Variants in CFDP1 observed in about 807,000 individuals in gnomAD.
CFDP1 encodes the protein chromatin remodeling protein CFDP1, also known as heterochromatin-stabilizing protein CFDP1.
A neutral mutation model predicts 40.1 loss-of-function variants in CFDP1; 31 were observed. The observed-to-expected ratio is 0.77, with a 90% CI of 0.58 to 1.04. The LOEUF is 1.04. CFDP1 is among the 50% of genes least tolerant of loss of function. CFDP1 has a pLI of 0.00. For synonymous variants in CFDP1, 167 were observed against 120.0 expected, an observed-to-expected ratio of 1.39 and a Z score of -2.56; for missense variants, 423 against 343.4, an observed-to-expected ratio of 1.23 and a Z score of -1.83.
chr16:75,375,416 G>T (rs1256115327), intron 5 of CFDP1, among the ~76,000 whole-genome samples: 4 of 152,148 alleles, frequency 2.6e-5, no homozygotes, highest in African/African-American at 9.7e-5. Context: ...CTTTACACAT[G>T]AAAAGATGTC....
intron 4 of CFDP1, among the ~76,000 whole-genome samples, chr16:75,409,822 T>A (rs1042057103): frequency 6.6e-6 from 1 of 152,188 alleles, no homozygotes; most frequent in Non-Finnish European, 1.5e-5. Flanking sequence ...TGTAGGTGTT[T>A]GTTGTAATAC....
At chr16:75,349,203 G>T (rs1395359531) in intron 5 of CFDP1, among the ~76,000 whole-genome samples, 1 of 151,986 alleles carries the variant, frequency 6.6e-6, no homozygotes, top group Non-Finnish European at 1.5e-5. Flanking sequence ...ATGGTTCACT[G>T]CTAGTTTATA....
intron 5 of CFDP1, among the ~76,000 whole-genome samples, chr16:75,338,986 A>G (rs772591289): frequency 2.6e-5 from 4 of 152,174 alleles, no homozygotes; most frequent in African/African-American, 4.8e-5. Context: ...TCTTAAACTC[A>G]TAACTTCACA....
intron 5 of CFDP1, among the ~76,000 whole-genome samples, chr16:75,356,658 A>C (rs904175029): frequency 5.3e-5 from 8 of 152,186 alleles, no homozygotes; most frequent in Non-Finnish European, 1.0e-4. Context: ...TTTGAAGCCA[A>C]GCATTGACTT....
At chr16:75,432,522 G>A (rs1162100785) in intron 1 of CFDP1, among the ~76,000 whole-genome samples, 1 of 151,990 alleles carries the variant, frequency 6.6e-6, no homozygotes, top group Non-Finnish European at 1.5e-5. Context: ...CTGCACTCCA[G>A]CCTAGACAAC....
chr16:75,362,622 C>T (rs997995156), intron 5 of CFDP1, among the ~76,000 whole-genome samples: 1 of 152,078 alleles, frequency 6.6e-6, no homozygotes, highest in Non-Finnish European at 1.5e-5. Flanking sequence ...AGTTAAGGTA[C>T]CCTCGAGAAC....
At chr16:75,413,795 T>C (rs1464094846) in intron 2 of CFDP1, among the ~76,000 whole-genome samples, 1 of 152,178 alleles carries the variant, frequency 6.6e-6, no homozygotes, top group Non-Finnish European at 1.5e-5. Context: ...CCTGTCAGAA[T>C]TTTCATAATT....
chr16:75,315,276 G>A (rs928748934), intron 5 of CFDP1, among the ~76,000 whole-genome samples: 62 of 135,086 alleles, frequency 4.6e-4, no homozygotes, highest in South Asian at 1.7e-3. Context: ...AGGTTGCCGT[G>A]AGCAGAGATC....
At chr16:75,413,552 CAAAAA>C (rs9331624) in intron 2 of CFDP1, among the ~76,000 whole-genome samples, 5 of 90,476 alleles carry the variant, frequency 5.5e-5, no homozygotes, top group Admixed American at 1.2e-4. Flanking sequence ...GACTCTGTCT[CAAAAA>C]AAAAAAAAAA....
intron 1 of CFDP1, among the ~76,000 whole-genome samples, chr16:75,415,826 C>G (rs767351309): frequency 6.6e-6 from 1 of 152,182 alleles, no homozygotes; most frequent in East Asian, 1.9e-4. Context: ...ACAAACAGTA[C>G]TGTTGTGATA....
chr16:75,373,790 T>G (rs1018087245), intron 5 of CFDP1, among the ~76,000 whole-genome samples: 1 of 152,204 alleles, frequency 6.6e-6, no homozygotes, highest in African/African-American at 2.4e-5. Flanking sequence ...CTTGACTTCC[T>G]CTACACAATT....
At chr16:75,322,054 G>A (rs2078367736) in intron 5 of CFDP1, 1 of 152,292 alleles carries the variant, frequency 6.6e-6, no homozygotes, top group South Asian at 2.1e-4. Context: ...TCGATCTCCT[G>A]ACCTTGTGAT....
intron 4 of CFDP1, among the ~76,000 whole-genome samples, chr16:75,404,285 G>C (rs1162011663): frequency 9.4e-5 from 14 of 149,296 alleles, no homozygotes; most frequent in Non-Finnish European, 1.9e-4. Flanking sequence ...GCCCAGGCTG[G>C]AGTGCAGTGG....
intron 4 of CFDP1, among the ~76,000 whole-genome samples, chr16:75,399,669 G>A (rs62062562): frequency 0.045 from 6,805 of 151,570 alleles, 211 homozygotes; most frequent in Non-Finnish European, 0.068. Flanking sequence ...GAGCCACTGC[G>A]CCCAGCCCAA....
intron 5 of CFDP1, among the ~76,000 whole-genome samples, chr16:75,353,401 T>G (rs997476754): frequency 6.6e-6 from 1 of 152,052 alleles, no homozygotes; most frequent in Non-Finnish European, 1.5e-5. Flanking sequence ...TAAAATTATA[T>G]ACAATACCTG....
At chr16:75,387,300 C>T (rs2078906727) in intron 5 of CFDP1, among the ~76,000 whole-genome samples, 1 of 152,150 alleles carries the variant, frequency 6.6e-6, no homozygotes, top group Admixed American at 6.5e-5. Context: ...ACCACCACGC[C>T]CGGAGAATTT....
chr16:75,324,219 G>C (rs2078387309), intron 5 of CFDP1, among the ~76,000 whole-genome samples: 1 of 152,120 alleles, frequency 6.6e-6, no homozygotes, highest in Non-Finnish European at 1.5e-5. Flanking sequence ...GAAAGCTATA[G>C]AGAGGGTGGG....
chr16:75,352,566 C>A (rs2078620585), intron 5 of CFDP1, among the ~76,000 whole-genome samples: 1 of 152,046 alleles, frequency 6.6e-6, no homozygotes, highest in Non-Finnish European at 1.5e-5. Context: ...GTATCTCTAT[C>A]TTTTTAAAAA....
At chr16:75,370,104 T>TTTTTTTG (rs2078740732) in intron 5 of CFDP1, among the ~76,000 whole-genome samples, 2 of 151,262 alleles carry the variant, frequency 1.3e-5, no homozygotes, top group African/African-American at 4.9e-5. Flanking sequence ...TTACTTTTTT[T>TTTTTTTG]TTTTTGAGGC....
Sources: gnomAD v4.1 joint callset for allele counts (sites outside exome capture counted in the v4.1 genomes callset) on GRCh38, gnomAD v4.1.1 for gene constraint, MANE v1.5 for transcripts, NCBI Gene and HGNC (gene_info 2026-07-23, HGNC 2026-07-21) for gene names.